COL3A1: variants seen among roughly 807,000 people sequenced by gnomAD.
COL3A1 encodes the protein collagen type III alpha 1 chain, also known as collagen alpha-1(III) chain.
A neutral mutation model predicts 200.9 loss-of-function variants in COL3A1; 46 were observed. The ratio of observed to expected loss-of-function variants is 0.23; its 90% CI spans 0.18 to 0.29. COL3A1 has a LOEUF of 0.29. COL3A1 is among the 10% of genes least tolerant of loss of function. The pLI, the probability that COL3A1 is intolerant of heterozygous loss-of-function variation, is 1.00. For missense variants in COL3A1, 1,367 were observed against 1,917.6 expected (o/e 0.71, Z 5.36); for synonymous variants, 650 against 628.0 (o/e 1.03, Z -0.52).
chr2:188,993,922 T>A (rs1688240516), intron 16 of COL3A1, 116 bp from the exon 17 acceptor site: 1 of 955,576 alleles, frequency 1.0e-6, no homozygotes, highest in Non-Finnish European at 1.7e-6. Context: ...GAGGATTCAC[T>A]TAATCTCTAC....
rs36195651 is a variant in COL3A1, at chr2:189,007,096, AATATATATATATATATATATATAT to A, written c.3255+127_3255+150del. On this transcript the variant is annotated intron_variant, in intron 44 of 50. Coordinates refer to ENST00000304636, the MANE Select transcript of COL3A1 (RefSeq NM_000090.4). ...CCAGCGTGTTCAGGAAAAAAGAATGAATATATATATATATATATATATATATATATATATATATATATATTTGTT... is the reference window on the plus strand; with the variant it reads ...CCAGCGTGTTCAGGAAAAAAGAATGAATATATATATATATATATATTTGTT... 560 of 228,868 alleles carry A rather than the reference AATATATATATATATATATATATAT, an allele frequency of 2.4e-3. 11 individuals carry two copies. The highest frequency in any genetic ancestry group is 7.3e-3 in the Middle Eastern group (5 of 688). The allele number at this position is 228,868 out of a possible 1,614,324, so 14.2% of individuals were successfully genotyped here. A position where few individuals can be genotyped will look rare whatever the true frequency, so the allele number is the denominator to read the frequency against.
intron 47 of COL3A1, 120 bp downstream of exon 47, chr2:189,008,262 A>G (rs1688641052): frequency 4.7e-6 from 4 of 844,832 alleles, no homozygotes; most frequent in Non-Finnish European, 7.9e-6. Context: ...CAATTTAGAA[A>G]CTGAACAATG....
At chr2:188,976,396 A>C (rs902734319) in intron 1 of COL3A1, among the ~76,000 whole-genome samples, 2 of 152,090 alleles carry the variant, frequency 1.3e-5, no homozygotes, top group African/African-American at 4.8e-5. Flanking sequence ...TTTTGCTGAT[A>C]TGTGTTTGTG....
intron 15 of COL3A1, 65 bp downstream of exon 15, chr2:188,993,005 G>A (rs1688220659): frequency 6.8e-7 from 1 of 1,469,764 alleles, no homozygotes; most frequent in Non-Finnish European, 9.5e-7. Context: ...GCATTAGATT[G>A]CTTCTTGCAA....
chr2:189,002,527 T>C (rs1245426667), intron 35 of COL3A1, among the ~76,000 whole-genome samples, 176 bp downstream of exon 35: 2 of 152,176 alleles, frequency 1.3e-5, no homozygotes, highest in Non-Finnish European at 2.9e-5. Flanking sequence ...CTTTGAAAGA[T>C]GGAAATAAAA....
intron 41 of COL3A1, 146 bp downstream of exon 41, chr2:189,005,603 C>A: frequency 1.4e-6 from 1 of 727,656 alleles, no homozygotes; most frequent in Non-Finnish European, 2.5e-6. Context: ...TCTTTCATTA[C>A]AATTTAGGAT....
intron 9 of COL3A1, 64 bp downstream of exon 9, chr2:188,990,213 C>A: frequency 6.3e-7 from 1 of 1,585,372 alleles, no homozygotes; most frequent in Non-Finnish European, 8.7e-7. Flanking sequence ...TTATGTAATT[C>A]AATGGAATTA....
intron 50 of COL3A1, 96 bp from the exon 51 acceptor site, chr2:189,011,532 T>C: frequency 7.1e-7 from 1 of 1,414,034 alleles, no homozygotes; most frequent in Non-Finnish European, 1.0e-6. Context: ...CGATGAATGC[T>C]TCTTTAGAGT....
At chr2:188,996,266 GTGTGTA>G (rs1170889195) in intron 23 of COL3A1, 88 bp downstream of exon 23, 10 of 941,792 alleles carry the variant, frequency 1.1e-5, no homozygotes, top group African/African-American at 5.1e-5. Flanking sequence ...GTGTGTGTGT[GTGTGTA>G]TATATATATA....
chr2:188,986,951 A>G, intron 4 of COL3A1, 108 bp from the exon 5 acceptor site: 1 of 954,778 alleles, frequency 1.0e-6, no homozygotes, highest in Non-Finnish European at 1.7e-6. Flanking sequence ...TTTGGCACAC[A>G]AAAACCTATC....
chr2:189,008,948 C>T lies in COL3A1; in HGVS notation c.3550C>T (p.Pro1184Ser), dbSNP rs1688657379. 1 of 1,614,052 alleles carries T rather than the reference C, an allele frequency of 6.2e-7. No homozygotes were observed. The highest frequency in any genetic ancestry group is 8.5e-7 in the Non-Finnish European group (1 of 1,179,996). ...SEGSPGHPGQ[P>S]GPPGPPGAPG... Reference sequence around the variant, plus strand: ...GGGCTCCCCAGGCCACCCAGGGCAACCAGGCCCTCCTGGACCTCCTGGTGC... The same window carrying T: ...GGGCTCCCCAGGCCACCCAGGGCAATCAGGCCCTCCTGGACCTCCTGGTGC... The change falls in exon 48 of 51, where the codon CCA becomes TCA. Residue 1184 changes from proline (P) to serine (S), a missense_variant. Around this residue, in one of 5 missense-constraint regions of COL3A1, gnomAD observed 846 missense variants for 1,147.9 expected, o/e 0.74. Coordinates refer to ENST00000304636, the MANE Select transcript of COL3A1 (RefSeq NM_000090.4).
rs1306575962 is a variant in COL3A1 at position 189,012,680 on chromosome 2, C to T, written c.*906C>T. On this transcript the variant is annotated 3_prime_UTR_variant, in exon 51 of 51. Transcript: ENST00000304636. Reference sequence around the variant, plus strand: ...ATGTGTTGAAATTTAACTTTGTAAGCTTGTATGTGGTTGTTGATCTTTTTT... The same window carrying T: ...ATGTGTTGAAATTTAACTTTGTAAGTTTGTATGTGGTTGTTGATCTTTTTT... 1 of 152,464 alleles carries T rather than the reference C, an allele frequency of 6.6e-6. No individual in the cohort carries two copies. Among genetic ancestry groups the T allele is most frequent in the Non-Finnish European group, 1.5e-5 (1 of 67,980 alleles). 9.4% of individuals were successfully genotyped at this position (152,464 alleles called of 1,614,324 possible).
chr2:189,008,609 A>G (rs1688648938), intron 47 of COL3A1: 2 of 473,154 alleles, frequency 4.2e-6, no homozygotes. Flanking sequence ...CCCCTCTGTC[A>G]TGTCAATATT....
At chr2:189,005,667 A>G (rs1688568900) in intron 41 of COL3A1, 2 of 631,560 alleles carry the variant, frequency 3.2e-6, no homozygotes, top group Non-Finnish European at 5.7e-6. Flanking sequence ...TCATTTGTGG[A>G]GAAAATATTA....
chr2:189,000,878 G>T (rs968596407), intron 32 of COL3A1, among the ~76,000 whole-genome samples: 1 of 152,048 alleles, frequency 6.6e-6, no homozygotes, highest in Admixed American at 6.5e-5. Flanking sequence ...TATAATAGTT[G>T]CCTTAAAGAA....
chr2:188,999,742 C>A, intron 31 of COL3A1, 100 bp from the exon 32 acceptor site: 1 of 1,377,232 alleles, frequency 7.3e-7, no homozygotes, highest in Non-Finnish European at 1.0e-6. Context: ...AATTAGAACA[C>A]CCAATATATA....
At chr2:189,004,200 G>T in intron 39 of COL3A1, 57 bp downstream of exon 39, 1 of 1,607,612 alleles carries the variant, frequency 6.2e-7, no homozygotes, top group Middle Eastern at 1.7e-4. Context: ...ATCACAAATC[G>T]ATTAGAGAAA....
intron 23 of COL3A1, 71 bp downstream of exon 23, chr2:188,996,249 AGTGTGTGTGT>A: frequency 3.3e-6 from 3 of 903,956 alleles, no homozygotes; most frequent in Non-Finnish European, 3.4e-6. Flanking sequence ...CCTATCCTTG[AGTGTGTGTGT>A]GTGTGTGTGT....
At chr2:189,008,756 AATCGGTG>A in intron 47 of COL3A1, 161 bp from the exon 48 acceptor site, 1 of 674,380 alleles carries the variant, frequency 1.5e-6, no homozygotes, top group Non-Finnish European at 2.6e-6. Context: ...AGTTATTATA[AATCGGTG>A]ATCACGTGAC....
Sources: allele counts gnomAD v4.1 joint callset (sites outside exome capture counted in the v4.1 genomes callset), GRCh38; gene constraint gnomAD v4.1.1; regional missense constraint gnomAD v4.1.1; transcripts MANE v1.5; gene names NCBI Gene and HGNC (gene_info 2026-07-23, HGNC 2026-07-21).